Variants in SERPINB6 observed in about 807,000 individuals in gnomAD.
SERPINB6 encodes serpin B6.
A neutral mutation model predicts 26.1 loss-of-function variants in SERPINB6; 16 were observed. The ratio of observed to expected loss-of-function variants is 0.61; its 90% CI spans 0.42 to 0.93. The LOEUF (loss-of-function observed/expected upper bound fraction) is 0.93, where lower values mean the gene tolerates loss of function less well. Ranked by LOEUF, SERPINB6 falls within the 40% of genes least tolerant of loss-of-function variation. The pLI is 0.00. For synonymous variants in SERPINB6, 174 were observed against 176.6 expected, an observed-to-expected ratio of 0.99 and a Z score of 0.11; for missense variants, 420 against 478.0, an observed-to-expected ratio of 0.88 and a Z score of 1.13.
Position 2,966,893 on chromosome 6 carries a change from T to A in SERPINB6, c.-11+4640A>T, listed in dbSNP as rs537171785. 1.1e-4 allele frequency: 103 copies of A among 969,218 alleles called. No individual in the cohort carries two copies. The African/African-American group carries it at 1.7e-3, about 16-fold the overall frequency. The allele number at this position is 969,218 out of a possible 1,614,324, so 60.0% of individuals were successfully genotyped here. Reference sequence around the variant, plus strand: ...TGGTCCCAAACTCCCGGCCTCAAGCTATCTTTCCACGTTGGCTTCCCAAAG... The same window carrying A: ...TGGTCCCAAACTCCCGGCCTCAAGCAATCTTTCCACGTTGGCTTCCCAAAG... On this transcript the variant is annotated intron_variant, in intron 1 of 6. Coordinates refer to ENST00000380539, the MANE Select transcript of SERPINB6 (RefSeq NM_004568.6).
At chr6:2,951,583 A>G (rs1561672469) in intron 5 of SERPINB6, among the ~76,000 whole-genome samples, 1 of 152,152 alleles carries the variant, frequency 6.6e-6, no homozygotes. Context: ...TAGTGACTGA[A>G]TGATTCACTA....
chr6:2,971,792 C>T (rs1232332207), upstream of SERPINB6: 3 of 152,436 alleles, frequency 2.0e-5, no homozygotes, highest in Non-Finnish European at 4.4e-5. Flanking sequence ...TCTGTGGAGA[C>T]TGAATGCTGG....
chr6:2,953,330 T>C, intron 4 of SERPINB6, 144 bp from the exon 5 acceptor site: 1 of 1,096,484 alleles, frequency 9.1e-7, no homozygotes, highest in Non-Finnish European at 1.4e-6. Context: ...GGGATACGTG[T>C]CCTTAAAGCA....
chr6:2,968,602 G>A, intron 1 of SERPINB6: 1 of 1,216,582 alleles, frequency 8.2e-7, no homozygotes, highest in South Asian at 4.3e-5. Context: ...AGTTTATTGA[G>A]TCTTCCGTTC....
chr6:2,959,425 C>T (rs1581257966), intron 1 of SERPINB6, 83 bp from the exon 2 acceptor site: 6 of 1,431,146 alleles, frequency 4.2e-6, no homozygotes, highest in South Asian at 1.1e-5. Context: ...CAGTCACCGC[C>T]GATGCTGTGG....
rs139559241 is a variant in SERPINB6 at position 2,963,453 on chromosome 6, C to A, written c.-10-4111G>T. ...GAATGACGGCTGGAAGCCAGGACCG[C>A]ATGGCTCTGTAGTTCACTCTCTTAA... On this transcript the variant is annotated intron_variant, in intron 1 of 6. Transcript: ENST00000380539. 18 of 152,388 alleles carry A rather than the reference C, an allele frequency of 1.2e-4. No individual in the cohort carries two copies. In the East Asian group the frequency reaches 3.5e-3, roughly 29 times the overall value. The allele number at this position is 152,388 out of a possible 1,614,324, so 9.4% of individuals were successfully genotyped here.
At position 2,948,618 on chromosome 6, in the gene SERPINB6, G is replaced by A; in HGVS notation, c.811C>T (p.Leu271Phe). The change falls in exon 7 of 7, where the codon CTC (leucine) becomes TTC (phenylalanine). Residue 271 changes from leucine (L) to phenylalanine (F), a missense_variant. Coordinates refer to ENST00000380539, the MANE Select transcript of SERPINB6 (RefSeq NM_004568.6). This position sits in a 1 kb window ranked among gnomAD's most constrained non-coding sequence, Gnocchi z 5.0. ...CTTTCCTCTAGTTTAAACCGCGGGA[G>A]GGACACTTCCACCTCCTCTTCATCC... The part of the protein sequence containing the change: ...MMDEEEVEVS[L>F]PRFKLEESYD... The A allele has an allele frequency of 6.2e-7, 1 of 1,614,114 alleles. No homozygotes were observed. Among genetic ancestry groups the A allele is most frequent in the Non-Finnish European group, 8.5e-7 (1 of 1,179,956 alleles).
chr6:2,949,281 C>T (rs895083181), intron 5 of SERPINB6, among the ~76,000 whole-genome samples: 2 of 152,228 alleles, frequency 1.3e-5, no homozygotes, highest in East Asian at 1.9e-4. Context: ...TGTCTTTCCT[C>T]TCATTGATCG....
rs373881553 is a variant in SERPINB6 at position 2,963,271 on chromosome 6, AT to A, written c.-10-3930del. Reference sequence around the variant, plus strand: ...TTAAAAGTTTCAACTTCAGAAAAAAATATCACTTTTTTGATATATACTATGT... The same window carrying A: ...TTAAAAGTTTCAACTTCAGAAAAAAAATCACTTTTTTGATATATACTATGT... On this transcript the variant is annotated intron_variant, in intron 1 of 6. Coordinates refer to ENST00000380539, the MANE Select transcript of SERPINB6 (RefSeq NM_004568.6). 3.2e-3 allele frequency: 484 copies of A among 152,360 alleles called. 3 individuals are homozygous for A. The highest frequency in any genetic ancestry group is 0.011 in the African/African-American group (457 of 41,578). The allele number at this position is 152,360 out of a possible 1,614,324, so 9.4% of individuals were successfully genotyped here. A position where few individuals can be genotyped will look rare whatever the true frequency, so the allele number is the denominator to read the frequency against.
intron 5 of SERPINB6, among the ~76,000 whole-genome samples, chr6:2,952,669 G>A (rs570987228): frequency 8.5e-4 from 130 of 152,364 alleles, no homozygotes; most frequent in Non-Finnish European, 1.5e-3. Flanking sequence ...GAGTTGTTCC[G>A]CTCCTGCAGT....
chr6:2,950,367 T>TAC (rs1769643235), intron 5 of SERPINB6, among the ~76,000 whole-genome samples: 1 of 151,810 alleles, frequency 6.6e-6, no homozygotes, highest in Non-Finnish European at 1.5e-5. Context: ...ACCCCACCTC[T>TAC]ACTAAAAATA....
chr6:2,949,154 C>T, intron 5 of SERPINB6, 85 bp from the exon 6 acceptor site: 1 of 1,454,396 alleles, frequency 6.9e-7, no homozygotes, highest in Middle Eastern at 1.7e-4. Context: ...CCACTCTCTG[C>T]AGGGAGAAAC....
At chr6:2,952,021 A>T (rs1769868255) in intron 5 of SERPINB6, among the ~76,000 whole-genome samples, 1 of 152,208 alleles carries the variant, frequency 6.6e-6, no homozygotes, top group Non-Finnish European at 1.5e-5. Flanking sequence ...CCAGTGCCAG[A>T]CCAGCCCAGG....
chr6:2,955,410 A>C, intron 3 of SERPINB6, 114 bp downstream of exon 3: 1 of 1,232,194 alleles, frequency 8.1e-7, no homozygotes, highest in South Asian at 1.2e-5. Flanking sequence ...AAGAAATTAC[A>C]AAAGCCTATG....
At chr6:2,968,460 AG>A (rs1385414474) in intron 1 of SERPINB6, 54 of 907,964 alleles carry the variant, frequency 5.9e-5, no homozygotes, top group African/African-American at 2.4e-4. Context: ...GAGGTTTAAA[AG>A]GTTAAAAAAA....
chr6:2,968,105 A>T (rs1040655869), intron 1 of SERPINB6: 5 of 152,276 alleles, frequency 3.3e-5, no homozygotes, highest in African/African-American at 1.2e-4. Context: ...TACACCATGG[A>T]ATACTATGCA....
intron 1 of SERPINB6, chr6:2,962,192 C>A: frequency 1.0e-6 from 1 of 985,480 alleles, no homozygotes. Context: ...GGGGAGGTGC[C>A]TGTCTGGCCA....
At chr6:2,970,818 A>G (rs948079045) in intron 1 of SERPINB6, 3 of 1,229,688 alleles carry the variant, frequency 2.4e-6, no homozygotes, top group Non-Finnish European at 3.0e-6. Flanking sequence ...AGCCTGTAAT[A>G]GTTTGCCTGT....
intron 1 of SERPINB6, chr6:2,966,989 C>T: frequency 1.0e-6 from 1 of 985,456 alleles, no homozygotes; most frequent in Non-Finnish European, 1.2e-6. Context: ...CTGATTTCCT[C>T]CAGACTGGCT....
Sources: gnomAD v4.1 joint callset for allele counts (sites outside exome capture counted in the v4.1 genomes callset) on GRCh38, gnomAD v4.1.1 for gene constraint, Gnocchi (gnomAD v3.1) non-coding constraint, MANE v1.5 for transcripts, NCBI Gene and HGNC (gene_info 2026-07-23, HGNC 2026-07-21) for gene names.